Variants in HLCS observed in about 807,000 individuals in gnomAD.
HLCS encodes the protein biotin--protein ligase.
HLCS carries 53 observed loss-of-function variants against 75.0 expected under a neutral mutation model. The observed-to-expected ratio is 0.71, with a 90% CI of 0.57 to 0.89. HLCS has a LOEUF of 0.89. Among genes scored for constraint, HLCS ranks in the 40% least tolerant of loss-of-function variants. The pLI is 0.00. For synonymous variants in HLCS, 431 were observed against 428.6 expected (o/e 1.01, Z -0.07); for missense variants, 966 against 1,074.0 (o/e 0.90, Z 1.41).
intron 7 of HLCS, among the ~76,000 whole-genome samples, chr21:36,766,688 G>T (rs1190533408): frequency 2.0e-5 from 3 of 152,110 alleles, no homozygotes; most frequent in Non-Finnish European, 4.4e-5. Flanking sequence ...GAGGATGTGG[G>T]CTCTCGTCTC....
intron 2 of HLCS, among the ~76,000 whole-genome samples, chr21:36,949,805 G>T (rs1041116176): frequency 6.6e-6 from 1 of 152,200 alleles, no homozygotes. Context: ...ACAGCGCAGC[G>T]AACCTGCTGA....
At position 36,753,764 on chromosome 21, in the gene HLCS, A is replaced by T. The variant is rs1365728222; in HGVS notation, c.*482T>A. On this transcript the variant is annotated 3_prime_UTR_variant, in exon 11 of 11. Transcript: ENST00000674895. The surrounding 1 kb of genome is among the most constrained non-coding windows in gnomAD (Gnocchi z 4.3). ...TCATTAATAAAAACACAGAACAATG[A>T]CTAAGTGTCCAAGCATGTTCTTACA... 5.5e-6 allele frequency: 1 copy of T among 183,218 alleles called. No individual in the cohort carries two copies. The highest frequency in any genetic ancestry group is 1.2e-5 in the Non-Finnish European group (1 of 86,614). The allele number at this position is 183,218 out of a possible 1,614,324, so 11.3% of individuals were successfully genotyped here. A position where few individuals can be genotyped will look rare whatever the true frequency, so the allele number is the denominator to read the frequency against.
At chr21:36,866,903 A>G (rs2063577619) in intron 6 of HLCS, among the ~76,000 whole-genome samples, 1 of 151,892 alleles carries the variant, frequency 6.6e-6, no homozygotes, top group Non-Finnish European at 1.5e-5. Context: ...TTCTCCAAAG[A>G]ACTTTTATGC....
chr21:36,980,212 A>T (rs2069078668), intron 1 of HLCS, among the ~76,000 whole-genome samples: 2 of 151,378 alleles, frequency 1.3e-5, no homozygotes, highest in South Asian at 2.1e-4. Flanking sequence ...AAAAAAAAAT[A>T]GGAAGAAACA....
Position 36,936,588 on chromosome 21 carries a change from C to T in HLCS, c.1298G>A (p.Ser433Asn). 6.2e-7 allele frequency: 1 copy of T among 1,614,246 alleles called. No homozygotes were observed. Among genetic ancestry groups the T allele is most frequent in the East Asian group, 2.2e-5 (1 of 44,880 alleles). ...GCCTTCCTGGTACCTGCAGCCACTG[C>T]TCAAGACGCTGAGCTTCACCTCGCT... ...DQSEVKLSVL[S>N]SGCRYQEGPV... The change falls in exon 4 of 11, where the codon AGC (serine) becomes AAC (asparagine). Residue 433 changes from serine to asparagine, a missense_variant. By Grantham distance (46) the Ser-to-Asn change is conservative (BLOSUM62 1). Coordinates refer to ENST00000674895, the MANE Select transcript of HLCS (RefSeq NM_001352514.2).
At chr21:36,922,958 G>C (rs1208379947) in intron 5 of HLCS, among the ~76,000 whole-genome samples, 1 of 152,214 alleles carries the variant, frequency 6.6e-6, no homozygotes, top group African/African-American at 2.4e-5. Context: ...ATGGGATTCG[G>C]GTCTCAGACC....
chr21:36,769,775 A>G (rs1026775338), intron 6 of HLCS, among the ~76,000 whole-genome samples: 29 of 152,378 alleles, frequency 1.9e-4, no homozygotes, highest in Non-Finnish European at 4.3e-4. Context: ...GGCTCTGCCA[A>G]TGGAACTGTC....
rs560237962 is a variant in HLCS at position 36,792,378 on chromosome 21, C to T, written c.1893-25093G>A. ...AGTAGCAGGTGGAACCATGTGAAAT[C>T]CCTAACATTCAACCGTTTAGACCTG... On this transcript the variant is annotated intron_variant, in intron 6 of 10. Transcript: ENST00000674895. 4.6e-5 allele frequency among the ~76,000 whole-genome samples: 7 copies of T among 151,682 alleles called. No homozygotes were observed. The East Asian group carries it at 1.4e-3, about 30-fold the overall frequency.
At chr21:36,939,660 C>T (rs1344475586) in intron 2 of HLCS, among the ~76,000 whole-genome samples, 1 of 152,144 alleles carries the variant, frequency 6.6e-6, no homozygotes. Flanking sequence ...GCAAAACACC[C>T]GGCTTAGCCT....
In HLCS at chr21:36,902,246, G is replaced by A. The variant is rs73389357; in HGVS notation, c.1621-5115C>T. ...GGGGCAGTGGCTAGAGGGAGGAATG[G>A]GGTGAAAGCAGGTTTTGTTTGGTTT... On this transcript the variant is annotated intron_variant, in intron 5 of 10. Transcript: ENST00000674895. 6.8e-3 allele frequency among the ~76,000 whole-genome samples: 1,043 copies of A among 152,296 alleles called. 10 individuals carry two copies. Among genetic ancestry groups the A allele is most frequent in the African/African-American group, 0.024 (994 of 41,566 alleles).
At chr21:36,987,404 G>A (rs2069247821) in intron 1 of HLCS, among the ~76,000 whole-genome samples, 1 of 152,026 alleles carries the variant, frequency 6.6e-6, no homozygotes, top group Non-Finnish European at 1.5e-5. Context: ...CTTGAGGCCA[G>A]GAGTTCGAGA....
At chr21:36,839,053 G>T (rs997405576) in intron 6 of HLCS, among the ~76,000 whole-genome samples, 2 of 152,178 alleles carry the variant, frequency 1.3e-5, no homozygotes, top group African/African-American at 4.8e-5. Flanking sequence ...AGCAGCAAAG[G>T]AGCATCACTT....
At chr21:36,817,218 T>C (rs1400212009) in intron 6 of HLCS, among the ~76,000 whole-genome samples, 2 of 152,198 alleles carry the variant, frequency 1.3e-5, no homozygotes, top group African/African-American at 4.8e-5. Flanking sequence ...ATTATAAACA[T>C]CGGTATTTTT....
chr21:36,838,075 T>C (rs1356898000), intron 6 of HLCS, among the ~76,000 whole-genome samples: 3 of 152,124 alleles, frequency 2.0e-5, no homozygotes, highest in African/African-American at 4.8e-5. Context: ...GGTCATTTCA[T>C]CCCATTTTTG....
intron 4 of HLCS, among the ~76,000 whole-genome samples, chr21:36,933,547 G>A (rs4817829): frequency 1.3e-4 from 10 of 76,730 alleles, no homozygotes; most frequent in Admixed American, 1.0e-3. Flanking sequence ...ATGAAACTCC[G>A]TCTCAAAAAA....
chr21:36,963,504 G>A (rs1394296406), intron 1 of HLCS, among the ~76,000 whole-genome samples: 2 of 152,210 alleles, frequency 1.3e-5, no homozygotes, highest in African/African-American at 4.8e-5. Flanking sequence ...GCTCACGCCT[G>A]TAATCCCAGC....
intron 5 of HLCS, among the ~76,000 whole-genome samples, chr21:36,927,500 C>A (rs2066459915): frequency 6.6e-6 from 1 of 152,194 alleles, no homozygotes; most frequent in Admixed American, 6.5e-5. Context: ...GTCAAGGCAC[C>A]AAACTGTGTA....
intron 6 of HLCS, among the ~76,000 whole-genome samples, chr21:36,886,195 G>A (rs1480040946): frequency 6.6e-6 from 1 of 151,994 alleles, no homozygotes; most frequent in African/African-American, 2.4e-5. Context: ...ACTTTGGGAG[G>A]CCGAGACGGG....
At chr21:36,958,421 T>C (rs764856671) in intron 2 of HLCS, among the ~76,000 whole-genome samples, 12 of 152,202 alleles carry the variant, frequency 7.9e-5, no homozygotes, top group South Asian at 2.1e-4. Context: ...TTTAAAACCA[T>C]TAATTCGTTC....
Sources: allele counts gnomAD v4.1 joint callset (sites outside exome capture counted in the v4.1 genomes callset), GRCh38; gene constraint gnomAD v4.1.1; non-coding constraint Gnocchi (gnomAD v3.1); transcripts MANE v1.5; gene names NCBI Gene and HGNC (gene_info 2026-07-23, HGNC 2026-07-21).